NWD2: variants seen among roughly 807,000 people sequenced by gnomAD.
NWD2 encodes the protein NACHT and WD repeat domain-containing protein 2.
A neutral mutation model predicts 132.7 loss-of-function variants in NWD2; 37 were observed. The ratio of observed to expected loss-of-function variants is 0.28; its 90% CI spans 0.21 to 0.37. The LOEUF (loss-of-function observed/expected upper bound fraction) is 0.37. Among genes scored for constraint, NWD2 ranks in the 10% least tolerant of loss-of-function variants. NWD2 has a pLI of 1.00. For synonymous variants in NWD2, 705 were observed against 803.0 expected (o/e 0.88, Z 2.06); for missense variants, 1,592 against 2,122.4 (o/e 0.75, Z 4.91).
At chr4:37,363,149 A>G (rs990211849) in intron 3 of NWD2, among the ~76,000 whole-genome samples, 2 of 152,204 alleles carry the variant, frequency 1.3e-5, no homozygotes, top group African/African-American at 4.8e-5. Context: ...GAAAACTCAA[A>G]AAACAACAGA....
chr4:37,405,429 TAGA>T (rs1560414114), intron 3 of NWD2, among the ~76,000 whole-genome samples: 1 of 22,166 alleles, frequency 4.5e-5, no homozygotes, highest in Non-Finnish European at 1.1e-4. Flanking sequence ...TGTAATAGAA[TAGA>T]ATAGAATAGA....
At chr4:37,407,801 C>T (rs1489950235) in intron 3 of NWD2, among the ~76,000 whole-genome samples, 1 of 152,192 alleles carries the variant, frequency 6.6e-6, no homozygotes, top group African/African-American at 2.4e-5. Context: ...ACAGAGAAGG[C>T]AGGTGATTTC....
intron 3 of NWD2, among the ~76,000 whole-genome samples, chr4:37,425,050 A>G (rs536498757): frequency 9.8e-5 from 15 of 152,374 alleles, no homozygotes; most frequent in African/African-American, 3.6e-4. Flanking sequence ...TAGCTATATC[A>G]GCATATAAAG....
intron 3 of NWD2, among the ~76,000 whole-genome samples, chr4:37,375,321 A>G (rs1323134384): frequency 6.6e-6 from 1 of 152,206 alleles, no homozygotes; most frequent in African/African-American, 2.4e-5. Flanking sequence ...CTATAATCTC[A>G]TCATTCAAAA....
intron 1 of NWD2, among the ~76,000 whole-genome samples, chr4:37,259,834 A>G (rs894251733): frequency 1.3e-5 from 2 of 152,190 alleles, no homozygotes; most frequent in Non-Finnish European, 2.9e-5. Context: ...GAGGAGAAGG[A>G]TGTCTTCCTC....
intron 1 of NWD2, among the ~76,000 whole-genome samples, chr4:37,289,574 T>C (rs1718316471): frequency 6.6e-6 from 1 of 152,244 alleles, no homozygotes; most frequent in Non-Finnish European, 1.5e-5. Flanking sequence ...TATCAGTGTA[T>C]TCTGCTCTTA....
At chr4:37,333,991 T>C (rs936422557) in intron 2 of NWD2, among the ~76,000 whole-genome samples, 1 of 151,980 alleles carries the variant, frequency 6.6e-6, no homozygotes, top group Non-Finnish European at 1.5e-5. Context: ...ATTAGTGAAC[T>C]TGAAGACAGG....
At chr4:37,341,780 A>G (rs997089913) in intron 2 of NWD2, among the ~76,000 whole-genome samples, 3 of 152,180 alleles carry the variant, frequency 2.0e-5, no homozygotes, top group Non-Finnish European at 4.4e-5. Flanking sequence ...AGTTTTACCT[A>G]TTTCATAAGT....
chr4:37,259,812 G>C lies in NWD2; in HGVS notation c.151+14594G>C, dbSNP rs145010889. Among the ~76,000 whole-genome samples, 159 of 152,310 alleles carry C rather than the reference G, an allele frequency of 1.0e-3. 1 individual carries two copies. The highest frequency in any genetic ancestry group is 3.7e-3 in the African/African-American group (152 of 41,574). On this transcript the variant is annotated intron_variant, in intron 1 of 6. Transcript: ENST00000309447. ...GTTCTACCGTAGTGCCAGGAGAAAA[G>C]GCAGAGAGTGGGAGGAGAAGGATGT...
In NWD2 at chr4:37,424,146, T is replaced by C. The variant is rs1052705721; in HGVS notation, c.358-6426T>C. On this transcript the variant is annotated intron_variant, in intron 3 of 6. Transcript: ENST00000309447. ...AATACCAACACCCAAGGCTATAACA[T>C]TGAACATGCCATAGTCCTTGTGAAC... Among the ~76,000 whole-genome samples, 26 of 152,200 alleles carry C rather than the reference T, an allele frequency of 1.7e-4. No individual in the cohort carries two copies. In the East Asian group the frequency reaches 3.3e-3, roughly 19 times the overall value.
At chr4:37,435,660 C>T (rs1283690811) in intron 5 of NWD2, among the ~76,000 whole-genome samples, 4 of 152,124 alleles carry the variant, frequency 2.6e-5, no homozygotes, top group African/African-American at 2.4e-5. Context: ...TATTTACAAT[C>T]GCACAGCTCC....
Position 37,276,771 on chromosome 4 carries a change from T to C in NWD2, c.151+31553T>C, listed in dbSNP as rs1165332896. On this transcript the variant is annotated intron_variant, in intron 1 of 6. Transcript: ENST00000309447. The stretch of plus-strand genomic sequence containing the variant: ...ACAATGATAGATTGGATTAAGAAAA[T>C]GTGGCACATACACCATGGAATACTA... Among the ~76,000 whole-genome samples, 4 of 152,060 alleles carry C rather than the reference T, an allele frequency of 2.6e-5. No homozygotes were observed. In the South Asian group the frequency reaches 8.3e-4, roughly 32 times the overall value.
chr4:37,354,255 G>A (rs76003109), intron 2 of NWD2, among the ~76,000 whole-genome samples: 31 of 152,152 alleles, frequency 2.0e-4, no homozygotes, highest in African/African-American at 7.5e-4. Context: ...GACAGCCAGA[G>A]CTCTCCTGTA....
intron 1 of NWD2, among the ~76,000 whole-genome samples, chr4:37,258,583 G>A (rs1187936371): frequency 1.3e-5 from 2 of 152,174 alleles, no homozygotes; most frequent in Admixed American, 1.3e-4. Flanking sequence ...ACAGAAATGA[G>A]TTTTGTGATT....
intron 3 of NWD2, among the ~76,000 whole-genome samples, chr4:37,382,634 C>T (rs376903882): frequency 2.6e-5 from 4 of 152,066 alleles, no homozygotes; most frequent in South Asian, 4.2e-4. Context: ...TTCACTGAAT[C>T]AACAAATTTG....
chr4:37,297,350 T>A (rs548880433), intron 1 of NWD2, among the ~76,000 whole-genome samples: 13 of 152,360 alleles, frequency 8.5e-5, no homozygotes, highest in Admixed American at 8.5e-4. Context: ...TTATTTTTAT[T>A]GTATTTTTTC....
At chr4:37,415,596 C>T (rs1711572819) in intron 3 of NWD2, among the ~76,000 whole-genome samples, 1 of 151,032 alleles carries the variant, frequency 6.6e-6, no homozygotes, top group South Asian at 2.1e-4. Context: ...CCCAGCTCCT[C>T]GGGAGGCTGA....
At chr4:37,253,436 G>A (rs1352583871) in intron 1 of NWD2, among the ~76,000 whole-genome samples, 1 of 152,194 alleles carries the variant, frequency 6.6e-6, no homozygotes, top group Non-Finnish European at 1.5e-5. Context: ...AGAGAATGAA[G>A]CCATGCTCCC....
intron 3 of NWD2, among the ~76,000 whole-genome samples, chr4:37,397,152 G>A (rs942123734): frequency 2.6e-5 from 4 of 152,112 alleles, no homozygotes; most frequent in African/African-American, 4.8e-5. Context: ...GGAATAGGGT[G>A]GCCACTTTTT....
Sources: gnomAD v4.1 joint callset for allele counts (sites outside exome capture counted in the v4.1 genomes callset) on GRCh38, gnomAD v4.1.1 for gene constraint, MANE v1.5 for transcripts, NCBI Gene and HGNC (gene_info 2026-07-23, HGNC 2026-07-21) for gene names.